MIA2: variants seen among roughly 807,000 people sequenced by gnomAD.
The protein encoded by MIA2 is MIA SH3 domain ER export factor 2.
A neutral mutation model predicts 167.8 loss-of-function variants in MIA2; 127 were observed. The observed-to-expected ratio is 0.76, with a 90% CI of 0.66 to 0.88. The LOEUF (loss-of-function observed/expected upper bound fraction) is 0.88. Among genes scored for constraint, MIA2 ranks in the 40% least tolerant of loss-of-function variants. The probability of loss-of-function intolerance (pLI) is 0.00; values close to 1 mark genes in which losing one functional copy is unlikely to be tolerated. For synonymous variants in MIA2, 552 were observed against 541.9 expected, an observed-to-expected ratio of 1.02 and a Z score of -0.26; for missense variants, 1,690 against 1,624.7, an observed-to-expected ratio of 1.04 and a Z score of -0.69.
At chr14:39,327,073 G>A (rs2067715768) in intron 25 of MIA2, 51 bp downstream of exon 25, 1 of 1,320,708 alleles carries the variant, frequency 7.6e-7, no homozygotes, top group Non-Finnish European at 9.9e-7. Context: ...GCTGGGATGT[G>A]GAATACACAG....
Position 39,279,356 on chromosome 14 carries a change from T to G in MIA2, c.2039T>G (p.Val680Gly), listed in dbSNP as rs143110568. The change falls in exon 8 of 29, where the codon GTG becomes GGG. Residue 680 changes from valine to glycine, a missense_variant and splice_region_variant. Physicochemically the swap from Val to Gly is moderately radical, Grantham distance 109. Coordinates refer to ENST00000640607, the MANE Select transcript of MIA2 (RefSeq NM_001329214.4). Reference protein sequence around the residue: ...SFRSVRSRLYVGREKKLALML... With the variant: ...SFRSVRSRLYGGREKKLALML... ...TTTCAGGTTAGGAGTCGGCTTTATG[T>G]GGGTAAGTTCTTTTTTCTGCTTTGA... is the stretch of plus-strand genomic sequence containing the variant. The G allele has an allele frequency of 9.4e-5, 152 of 1,608,526 alleles. No homozygotes were observed. The highest frequency in any genetic ancestry group is 1.3e-4 in the Non-Finnish European group (149 of 1,178,664).
At chr14:39,299,658 A>G (rs577871094) in intron 13 of MIA2, among the ~76,000 whole-genome samples, 2 of 152,326 alleles carry the variant, frequency 1.3e-5, no homozygotes, top group East Asian at 3.9e-4. Context: ...TAAGATATGT[A>G]TATCTCAGGA....
chr14:39,321,050 G>A lies in MIA2; in HGVS notation c.3490G>A (p.Gly1164Arg), dbSNP rs766537996. 1 of 1,612,232 alleles carries A rather than the reference G, an allele frequency of 6.2e-7. No individual in the cohort carries two copies. The highest frequency in any genetic ancestry group is 8.5e-7 in the Non-Finnish European group (1 of 1,179,266). ...RLSPLLPGGGGRGSRGPGNPL... is the reference protein window; with the variant it reads ...RLSPLLPGGGRRGSRGPGNPL... ...CTCACCTTTGCTTCCAGGGGGAGGA[G>A]GAAGAGGTATATTGTTTAAACATCT... is the stretch of plus-strand genomic sequence containing the variant. Residue 1164 changes from glycine (G) to arginine (R), a missense_variant, in exon 24 of 29, where the codon GGA becomes AGA. Transcript: ENST00000640607.
At chr14:39,294,278 A>G (rs1865136853) in intron 12 of MIA2, among the ~76,000 whole-genome samples, 1 of 151,908 alleles carries the variant, frequency 6.6e-6, no homozygotes, top group Admixed American at 6.6e-5. Flanking sequence ...GCTCACTGCA[A>G]CCTCCACCTC....
intron 23 of MIA2, among the ~76,000 whole-genome samples, chr14:39,356,623 G>T (rs1038097902): frequency 6.6e-6 from 1 of 151,728 alleles, no homozygotes; most frequent in Non-Finnish European, 1.5e-5. Flanking sequence ...CTCTTCTCTA[G>T]TTCTTTTAAT....
At chr14:39,237,163 C>G (rs1399193316) in intron 2 of MIA2, 108 bp downstream of exon 2, 4 of 1,260,624 alleles carry the variant, frequency 3.2e-6, no homozygotes, top group Non-Finnish European at 3.3e-6. Context: ...CTCTGTCGCC[C>G]AGGCTGGAAT....
At chr14:39,257,922 T>A (rs2054895904) in intron 6 of MIA2, among the ~76,000 whole-genome samples, 1 of 152,200 alleles carries the variant, frequency 6.6e-6, no homozygotes, top group African/African-American at 2.4e-5. Context: ...CCCACTCTCT[T>A]CTGGCTTATA....
At chr14:39,363,234 A>G (rs2074732357) in intron 23 of MIA2, among the ~76,000 whole-genome samples, 2 of 152,226 alleles carry the variant, frequency 1.3e-5, no homozygotes, top group African/African-American at 2.4e-5. Flanking sequence ...GTACAGTTTA[A>G]GTCTAATGTT....
Position 39,371,152 on chromosome 14 carries a change from T to C in MIA2, c.2249-15733T>C, listed in dbSNP as rs567498782. Among the ~76,000 whole-genome samples, 483 of 152,338 alleles carry C rather than the reference T, an allele frequency of 3.2e-3. 3 individuals are homozygous for C. The highest frequency in any genetic ancestry group is 0.017 in the South Asian group (84 of 4,830). Reference sequence around the variant, plus strand: ...AATATAGTTTACTTGACTATTCTTTTCTTGGTGAGCACTTACGCTGTTTTC... The same window carrying C: ...AATATAGTTTACTTGACTATTCTTTCCTTGGTGAGCACTTACGCTGTTTTC... On this transcript the variant is annotated intron_variant, in intron 23 of 23. Coordinates refer to the MIA2 transcript ENST00000341502.
chr14:39,246,977 G>T lies in MIA2; in HGVS notation c.403G>T (p.Gly135Cys). ...TFDNEDSELN[G>C]DYGENIYPYE... is the part of the protein sequence containing the mutation. ...TGACAATGAAGATAGTGAATTAAACGGTGATTATGGTGAAAATATATATCC... is the reference window on the plus strand; with the variant it reads ...TGACAATGAAGATAGTGAATTAAACTGTGATTATGGTGAAAATATATATCC... The change falls in exon 4 of 29, where the codon GGT becomes TGT. Residue 135 changes from glycine (G) to cysteine (C), a missense_variant. Gly to Cys is a radical substitution (Grantham distance 159, BLOSUM62 -3). Coordinates refer to ENST00000640607, the MANE Select transcript of MIA2 (RefSeq NM_001329214.4). 3 of 1,548,908 alleles carry T rather than the reference G, an allele frequency of 1.9e-6. No individual in the cohort carries two copies. The highest frequency in any genetic ancestry group is 1.3e-5 in the South Asian group (1 of 78,154).
At chr14:39,348,574 G>A (rs1364253331) in intron 27 of MIA2, among the ~76,000 whole-genome samples, 169 bp from the exon 28 acceptor site, 1 of 152,166 alleles carries the variant, frequency 6.6e-6, no homozygotes, top group South Asian at 2.1e-4. Flanking sequence ...TAACTAAAAT[G>A]TGATAGCTGA....
chr14:39,376,780 G>A (rs1046197774), intron 23 of MIA2, among the ~76,000 whole-genome samples: 5 of 152,198 alleles, frequency 3.3e-5, no homozygotes, highest in Non-Finnish European at 5.9e-5. Context: ...AATAGGAAGT[G>A]TAGGGTCACA....
At chr14:39,345,139 C>G (rs2072945269) in intron 25 of MIA2, among the ~76,000 whole-genome samples, 2 of 152,056 alleles carry the variant, frequency 1.3e-5, no homozygotes, top group African/African-American at 4.8e-5. Flanking sequence ...AGTGCAGTGG[C>G]ATGATCTCGG....
chr14:39,309,281 C>T (rs2063826794), intron 18 of MIA2, among the ~76,000 whole-genome samples: 1 of 152,182 alleles, frequency 6.6e-6, no homozygotes, highest in Admixed American at 6.5e-5. Flanking sequence ...TGAGTATGGT[C>T]ACTCTCGTGC....
intron 24 of MIA2, among the ~76,000 whole-genome samples, chr14:39,325,866 A>G (rs895946200): frequency 1.3e-5 from 2 of 151,700 alleles, no homozygotes; most frequent in Non-Finnish European, 2.9e-5. Flanking sequence ...GGCACCTGCC[A>G]CCATGCCTGG....
chr14:39,359,818 C>T (rs933724994), intron 23 of MIA2, among the ~76,000 whole-genome samples: 2 of 152,070 alleles, frequency 1.3e-5, no homozygotes, highest in African/African-American at 4.8e-5. Context: ...CTTTTATATG[C>T]TTATTTCTTT....
At chr14:39,299,712 A>T in intron 13 of MIA2, 152 bp from the exon 14 acceptor site, 2 of 601,764 alleles carry the variant, frequency 3.3e-6, no homozygotes, top group South Asian at 2.4e-5. Context: ...TAGTTGAAGA[A>T]TGTGTGTGTT....
chr14:39,296,840 ATC>A (rs1230740732), intron 13 of MIA2, among the ~76,000 whole-genome samples: 1 of 150,312 alleles, frequency 6.7e-6, no homozygotes, highest in African/African-American at 2.5e-5. Context: ...CAATGGCCTG[ATC>A]TTGGCTCACT....
chr14:39,285,279 C>T (rs1424677082), intron 9 of MIA2, among the ~76,000 whole-genome samples: 2 of 152,230 alleles, frequency 1.3e-5, no homozygotes, highest in East Asian at 1.9e-4. Context: ...ACCTCCCAGA[C>T]GGGGTGGTGG....
Sources: gnomAD v4.1 joint callset for allele counts (sites outside exome capture counted in the v4.1 genomes callset) on GRCh38, gnomAD v4.1.1 for gene constraint, MANE v1.5 for transcripts, NCBI Gene and HGNC (gene_info 2026-07-23, HGNC 2026-07-21) for gene names.